The following CACNA1C variants were observed in gnomAD, a reference collection of about 807,000 sequenced individuals.
CACNA1C encodes voltage-dependent L-type calcium channel subunit alpha-1C.
Under a neutral mutation model 229.0 loss-of-function variants are expected in CACNA1C, and 30 were observed. The ratio of observed to expected loss-of-function variants is 0.13; its 90% CI spans 0.10 to 0.18. CACNA1C has a LOEUF of 0.18. Ranked by LOEUF, CACNA1C falls within the 10% of genes least tolerant of loss-of-function variation. The probability of loss-of-function intolerance (pLI) is 1.00; values close to 1 mark genes in which losing one functional copy is unlikely to be tolerated. For synonymous variants in CACNA1C, 1,114 were observed against 1,132.5 expected (o/e 0.98, Z 0.33); for missense variants, 1,658 against 2,845.0 (o/e 0.58, Z 9.49).
intron 3 of CACNA1C, among the ~76,000 whole-genome samples, chr12:2,129,996 G>C (rs2091734544): frequency 6.6e-6 from 1 of 152,100 alleles, no homozygotes; most frequent in African/African-American, 2.4e-5. Context: ...TTATAACATT[G>C]ATTTTGGCTT....
intron 3 of CACNA1C, among the ~76,000 whole-genome samples, chr12:2,264,056 C>G (rs1337041588): frequency 6.6e-6 from 1 of 152,212 alleles, no homozygotes; most frequent in Non-Finnish European, 1.5e-5. Context: ...CCTGGGGTAT[C>G]CACCCCTCCA....
chr12:2,476,083 T>C, intron 5 of CACNA1C, among the ~76,000 whole-genome samples: 1 of 152,254 alleles, frequency 6.6e-6, no homozygotes, highest in Admixed American at 6.5e-5. Flanking sequence ...GATCTGCTCC[T>C]TACTCTGCCT....
intron 1 of CACNA1C, chr12:2,004,119 C>A: frequency 1.0e-6 from 1 of 1,001,280 alleles, no homozygotes; most frequent in Non-Finnish European, 1.4e-6. Flanking sequence ...TCCCCCAAAC[C>A]CCCGAGACCC....
At chr12:2,374,973 T>A (rs1263106776) in intron 3 of CACNA1C, among the ~76,000 whole-genome samples, 3 of 152,138 alleles carry the variant, frequency 2.0e-5, no homozygotes, top group Admixed American at 2.0e-4. Context: ...CTGGGCAATA[T>A]CAATAATAAG....
At position 2,449,569 on chromosome 12, in the gene CACNA1C, A is replaced by G. The variant is rs113162088; in HGVS notation, c.617+454A>G. On this transcript the variant is annotated intron_variant, in intron 4 of 46. Coordinates refer to ENST00000399655, the MANE Select transcript of CACNA1C (RefSeq NM_000719.7). Reference sequence around the variant, plus strand: ...TTTGGTCCTAACTATGCTGGGCTTCAGGCAAGAAGAAAGGATCTGTGAAAA... The same window carrying G: ...TTTGGTCCTAACTATGCTGGGCTTCGGGCAAGAAGAAAGGATCTGTGAAAA... 2.3e-3 allele frequency among the ~76,000 whole-genome samples: 354 copies of G among 152,332 alleles called. 2 individuals carry two copies. Among genetic ancestry groups the G allele is most frequent in the African/African-American group, 8.2e-3 (340 of 41,582 alleles).
In CACNA1C at chr12:2,132,241, C is replaced by T. The variant is rs1236630151; in HGVS notation, c.477+11811C>T. On this transcript the variant is annotated intron_variant, in intron 3 of 46. Coordinates refer to ENST00000399655, the MANE Select transcript of CACNA1C (RefSeq NM_000719.7). The stretch of plus-strand genomic sequence containing the variant: ...GGGTTTTGTAGATATACAATCATGT[C>T]ATCTGCAAACAGGGACAATTTGACT... 3.5e-5 allele frequency among the ~76,000 whole-genome samples: 5 copies of T among 141,366 alleles called. No homozygotes were observed. The East Asian group carries it at 1.0e-3, about 28-fold the overall frequency. 92.7% of individuals were successfully genotyped at this position (141,366 alleles called of 152,430 possible).
intron 1 of CACNA1C, among the ~76,000 whole-genome samples, chr12:2,083,298 TC>T (rs1016260763): frequency 1.3e-5 from 2 of 152,202 alleles, no homozygotes. Context: ...CATGGACTCC[TC>T]CAATTTCTCC....
chr12:2,025,085 C>T (rs1341674379), intron 1 of CACNA1C, among the ~76,000 whole-genome samples: 1 of 152,240 alleles, frequency 6.6e-6, no homozygotes, highest in Non-Finnish European at 1.5e-5. Flanking sequence ...CAGGCTTAGC[C>T]TTCCCCACGG....
chr12:2,050,006 G>A (rs568276664), upstream of CACNA1C, among the ~76,000 whole-genome samples: 20 of 152,292 alleles, frequency 1.3e-4, no homozygotes, highest in African/African-American at 4.6e-4. Flanking sequence ...GAAGCGTGGA[G>A]GTAATATTTA....
At chr12:2,460,246 T>C (rs1046540774) in intron 5 of CACNA1C, among the ~76,000 whole-genome samples, 1 of 152,252 alleles carries the variant, frequency 6.6e-6, no homozygotes, top group African/African-American at 2.4e-5. Flanking sequence ...TATGCTTAGA[T>C]GTGGCTTCTG....
intron 3 of CACNA1C, among the ~76,000 whole-genome samples, chr12:2,380,589 A>T (rs188733287): frequency 6.6e-5 from 10 of 152,246 alleles, no homozygotes; most frequent in East Asian, 5.8e-4. Flanking sequence ...GGTTGGTTAG[A>T]TTCCCAGTGT....
chr12:2,651,857 T>C lies in CACNA1C; in HGVS notation c.4074+89T>C. On this transcript the variant is annotated intron_variant, in intron 32 of 46. Transcript: ENST00000399655. The surrounding 1 kb of genome is among the most constrained non-coding windows in gnomAD (Gnocchi z 5.4). Reference sequence around the variant, plus strand: ...GCTGACACAAGGAGGAGCCCTCCACTCTGGGGCCCTGCTCCTTCCTCTGTG... The same window carrying C: ...GCTGACACAAGGAGGAGCCCTCCACCCTGGGGCCCTGCTCCTTCCTCTGTG... 9.6e-7 allele frequency: 1 copy of C among 1,037,954 alleles called. No individual in the cohort carries two copies. The highest frequency in any genetic ancestry group is 2.6e-5 in the East Asian group (1 of 38,536). 64.3% of individuals were successfully genotyped at this position (1,037,954 alleles called of 1,614,324 possible). A position where few individuals can be genotyped will look rare whatever the true frequency, so the allele number is the denominator to read the frequency against.
chr12:2,040,200 G>C (rs946738994), intron 1 of CACNA1C, among the ~76,000 whole-genome samples: 1 of 151,858 alleles, frequency 6.6e-6, no homozygotes, highest in African/African-American at 2.4e-5. Context: ...TCATGATTTG[G>C]GTATTGTAGA....
rs755846732 is a variant in CACNA1C, at chr12:2,566,495, T to C, written c.1582T>C (p.Trp528Arg). Residue 528 changes from tryptophan to arginine, a missense_variant, in exon 12 of 47, where the codon TGG becomes CGG. Physicochemically the swap from Trp to Arg is moderately radical, Grantham distance 101. Coordinates refer to ENST00000399655, the MANE Select transcript of CACNA1C (RefSeq NM_000719.7). The surrounding 1 kb of genome is among the most constrained non-coding windows in gnomAD (Gnocchi z 4.0). ...RAAVKSNVFY[W>R]LVIFLVFLNT... ...CGCAGTCAAGTCTAATGTCTTCTAC[T>C]GGCTGGTGATTTTCCTGGTGTTCCT... The C allele has an allele frequency of 2.5e-6, 4 of 1,594,824 alleles. No individual in the cohort carries two copies. Among genetic ancestry groups the C allele is most frequent in the Non-Finnish European group, 3.4e-6 (4 of 1,170,712 alleles).
chr12:2,596,139 T>C (rs1568659768), intron 20 of CACNA1C, 136 bp downstream of exon 20: 3 of 869,954 alleles, frequency 3.4e-6, no homozygotes, highest in Non-Finnish European at 3.4e-6. Context: ...AACATTTCAT[T>C]AAGAGAGTAG....
chr12:2,452,874 G>T (rs1480743314), intron 4 of CACNA1C, among the ~76,000 whole-genome samples: 1 of 152,146 alleles, frequency 6.6e-6, no homozygotes. Context: ...TGACAAATTT[G>T]CAAACTGGTC....
At chr12:2,213,603 G>T (rs911014280) in intron 3 of CACNA1C, among the ~76,000 whole-genome samples, 1 of 152,220 alleles carries the variant, frequency 6.6e-6, no homozygotes, top group Non-Finnish European at 1.5e-5. Context: ...ATGTTAATGA[G>T]TGAAACTCTC....
intron 5 of CACNA1C, among the ~76,000 whole-genome samples, chr12:2,460,106 G>A (rs565872819): frequency 7.9e-5 from 12 of 152,342 alleles, no homozygotes; most frequent in Middle Eastern, 3.4e-3. Context: ...CACATTCTGC[G>A]TGCCATCCAA....
intron 11 of CACNA1C, among the ~76,000 whole-genome samples, chr12:2,565,909 G>A (rs928866446): frequency 2.0e-5 from 3 of 152,178 alleles, no homozygotes; most frequent in Non-Finnish European, 4.4e-5. Context: ...TATTGGTCGA[G>A]TACTCAACCT....
Sources: allele counts gnomAD v4.1 joint callset (sites outside exome capture counted in the v4.1 genomes callset), GRCh38; gene constraint gnomAD v4.1.1; non-coding constraint Gnocchi (gnomAD v3.1); transcripts MANE v1.5; gene names NCBI Gene and HGNC (gene_info 2026-07-23, HGNC 2026-07-21).